HBS1L: variants seen among roughly 807,000 people sequenced by gnomAD.
HBS1L encodes the protein HBS1 like translational GTPase, also known as HBS1-like protein.
HBS1L carries 55 observed loss-of-function variants against 88.9 expected under a neutral mutation model. The observed-to-expected ratio is 0.62, with a 90% CI of 0.50 to 0.77. HBS1L has a LOEUF of 0.77. HBS1L is among the 30% of genes least tolerant of loss of function. HBS1L has a pLI of 0.00. For missense variants in HBS1L, 741 were observed against 829.3 expected (o/e 0.89, Z 1.31); for synonymous variants, 267 against 288.5 (o/e 0.93, Z 0.76).
intron 15 of HBS1L, among the ~76,000 whole-genome samples, chr6:134,975,706 A>C (rs1774623291): frequency 6.6e-6 from 1 of 152,026 alleles, no homozygotes; most frequent in South Asian, 2.1e-4. Context: ...ATGGTGCTGG[A>C]TAGCTACATA....
intron 16 of HBS1L, among the ~76,000 whole-genome samples, chr6:134,968,912 T>G (rs898802804): frequency 3.3e-5 from 5 of 152,174 alleles, no homozygotes; most frequent in Non-Finnish European, 5.9e-5. Flanking sequence ...TCTAGACATA[T>G]TTTTTTAAAT....
chr6:134,981,757 A>G (rs1435974886), intron 13 of HBS1L, among the ~76,000 whole-genome samples: 1 of 151,902 alleles, frequency 6.6e-6, no homozygotes, highest in Non-Finnish European at 1.5e-5. Flanking sequence ...AGAATTAGAA[A>G]GTTTTAGTCA....
At position 134,997,567 on chromosome 6, in the gene HBS1L, T is replaced by C. The variant is rs550463958; in HGVS notation, c.629A>G (p.Glu210Gly). Residue 210 changes from glutamate to glycine, a missense_variant, in exon 6 of 18, where the codon GAG becomes GGG. Glu to Gly is a moderately conservative substitution (Grantham distance 98). Around this residue, in one of 3 missense-constraint regions of HBS1L, gnomAD observed 556 missense variants for 598.4 expected, o/e 0.93. Transcript: ENST00000367837. ...EDAIASSDVL[E>G]TASKSANPPH... is the part of the protein sequence containing the mutation. ...TGGATTAGCAGATTTAGAAGCAGTC[T>C]CAAGAACATCGGAAGAAGCAATGGC... is the stretch of plus-strand genomic sequence containing the variant. The C allele has an allele frequency of 3.7e-6, 6 of 1,614,100 alleles. No homozygotes were observed. In the East Asian group the frequency reaches 6.7e-5, roughly 18 times the overall value.
At chr6:135,018,509 T>C (rs1012931709) in intron 4 of HBS1L, among the ~76,000 whole-genome samples, 16 of 151,952 alleles carry the variant, frequency 1.1e-4, no homozygotes, top group African/African-American at 3.9e-4. Flanking sequence ...AATCTACATA[T>C]TACATTGGAT....
intron 4 of HBS1L, among the ~76,000 whole-genome samples, chr6:135,033,338 T>G (rs1051452368): frequency 1.3e-5 from 2 of 152,188 alleles, no homozygotes; most frequent in African/African-American, 4.8e-5. Context: ...ATACACTTAG[T>G]GCCAACAATC....
intron 5 of HBS1L, among the ~76,000 whole-genome samples, chr6:135,001,393 C>A (rs1008574719): frequency 1.3e-5 from 2 of 152,054 alleles, no homozygotes; most frequent in Non-Finnish European, 2.9e-5. Context: ...AATTTGGGTT[C>A]ATTTGCATGT....
Position 134,960,564 on chromosome 6 carries a change from T to A in HBS1L, c.*4715A>T, listed in dbSNP as rs1774163629. 1 of 152,194 alleles carries A rather than the reference T, an allele frequency of 6.6e-6. No individual in the cohort carries two copies. The highest frequency in any genetic ancestry group is 2.4e-5 in the African/African-American group (1 of 41,458). The allele number at this position is 152,194 out of a possible 1,614,324, so 9.4% of individuals were successfully genotyped here. A position where few individuals can be genotyped will look rare whatever the true frequency, so the allele number is the denominator to read the frequency against. ...TTGTGCATTATACTTGTTATTAATATGAAATTCTCTTAATTTTTTTTTACT... is the reference window on the plus strand; with the variant it reads ...TTGTGCATTATACTTGTTATTAATAAGAAATTCTCTTAATTTTTTTTTACT... On this transcript the variant is annotated 3_prime_UTR_variant, in exon 18 of 18. Transcript: ENST00000367837.
At chr6:135,037,589 T>C in intron 4 of HBS1L, 1 of 1,548,498 alleles carries the variant, frequency 6.5e-7, no homozygotes, top group Non-Finnish European at 8.7e-7. Flanking sequence ...GTTGTGCCCT[T>C]TATGATTATG....
chr6:134,988,244 T>C (rs957825229), intron 8 of HBS1L, among the ~76,000 whole-genome samples: 2 of 151,938 alleles, frequency 1.3e-5, no homozygotes, highest in African/African-American at 2.4e-5. Context: ...CACACCTGTA[T>C]CCCAGCTACT....
In HBS1L at chr6:134,961,159, T is replaced by A. The variant is rs1774181028; in HGVS notation, c.*4120A>T. 1 of 142,572 alleles carries A rather than the reference T, an allele frequency of 7.0e-6. No homozygotes were observed. The highest frequency in any genetic ancestry group is 1.5e-5 in the Non-Finnish European group (1 of 65,630). The allele number at this position is 142,572 out of a possible 1,614,324, so 8.8% of individuals were successfully genotyped here. A position where few individuals can be genotyped will look rare whatever the true frequency, so the allele number is the denominator to read the frequency against. On this transcript the variant is annotated 3_prime_UTR_variant, in exon 18 of 18. Transcript: ENST00000367837. ...ATTCCATTCATGGTTACTGTAAACATTCTTAAAACTTTGTTTTATGGGATT... is the reference window on the plus strand; with the variant it reads ...ATTCCATTCATGGTTACTGTAAACAATCTTAAAACTTTGTTTTATGGGATT...
At chr6:134,969,773 C>T in intron 15 of HBS1L, among the ~76,000 whole-genome samples, 1 of 152,008 alleles carries the variant, frequency 6.6e-6, no homozygotes. Flanking sequence ...CCTCAGTTTC[C>T]TCAAGTGTAA....
chr6:135,023,687 T>C (rs1048146276), intron 4 of HBS1L, among the ~76,000 whole-genome samples: 7 of 152,200 alleles, frequency 4.6e-5, no homozygotes, highest in African/African-American at 1.7e-4. Flanking sequence ...GAAAATGATA[T>C]ATAACAGGTT....
At position 134,962,407 on chromosome 6, in the gene HBS1L, T is replaced by TA. The variant is rs1403869571; in HGVS notation, c.*2871dup. 15 of 152,192 alleles carry TA rather than the reference T, an allele frequency of 9.9e-5. No homozygotes were observed. Among genetic ancestry groups the TA allele is most frequent in the Non-Finnish European group, 1.5e-5 (1 of 68,032 alleles). The allele number at this position is 152,192 out of a possible 1,614,324, so 9.4% of individuals were successfully genotyped here. The stretch of plus-strand genomic sequence containing the variant: ...ACCTTTAGGTGACAGAACTGTGGGT[T>TA]AATTTTATTCTTCCCTATATTTTCT... On this transcript the variant is annotated 3_prime_UTR_variant, in exon 18 of 18. Coordinates refer to ENST00000367837, the MANE Select transcript of HBS1L (RefSeq NM_006620.4).
intron 2 of HBS1L, among the ~76,000 whole-genome samples, chr6:135,042,749 G>A (rs1201551610): frequency 6.6e-6 from 1 of 150,686 alleles, no homozygotes; most frequent in Non-Finnish European, 1.5e-5. Flanking sequence ...GGAGGCGGAG[G>A]TTGCAGTGAG....
At chr6:134,999,861 A>G (rs1775400014) in intron 5 of HBS1L, among the ~76,000 whole-genome samples, 1 of 152,166 alleles carries the variant, frequency 6.6e-6, no homozygotes. Flanking sequence ...GCCCTTAGTA[A>G]AAAAAACTTC....
rs1775507142 is a variant in HBS1L at position 135,002,953 on chromosome 6, T to C, written c.431-111A>G. On this transcript the variant is annotated intron_variant, in intron 4 of 17. Transcript: ENST00000367837. ...TATGATAACTTTCACAGAATTAATG[T>C]CTTTATAAACACATTATCTCTAAAA... 7 of 622,856 alleles carry C rather than the reference T, an allele frequency of 1.1e-5. No homozygotes were observed. The South Asian group carries it at 1.5e-4, about 13-fold the overall frequency. 38.6% of individuals were successfully genotyped at this position (622,856 alleles called of 1,614,324 possible).
Position 135,018,527 on chromosome 6 carries a change from G to A in HBS1L, c.431-15685C>T, listed in dbSNP as rs969574302. 6.6e-5 allele frequency among the ~76,000 whole-genome samples: 10 copies of A among 151,954 alleles called. No individual in the cohort carries two copies. In the South Asian group the frequency reaches 8.3e-4, roughly 13 times the overall value. On this transcript the variant is annotated intron_variant, in intron 4 of 17. Transcript: ENST00000367837. ...CTACATATTACATTGGATTATATAC[G>A]TTGAGGTAGTATATGCAAAATTTAT...
At chr6:134,970,122 T>C (rs973869363) in intron 15 of HBS1L, among the ~76,000 whole-genome samples, 1 of 152,138 alleles carries the variant, frequency 6.6e-6, no homozygotes, top group Non-Finnish European at 1.5e-5. Flanking sequence ...TTGTGTGAAC[T>C]TTGGGGCAAG....
At chr6:134,985,066 GA>G (rs966110008) in intron 12 of HBS1L, among the ~76,000 whole-genome samples, 64 of 150,668 alleles carry the variant, frequency 4.2e-4, no homozygotes, top group Non-Finnish European at 5.9e-5. Context: ...TCTAATGGGA[GA>G]AAAAAAAACT....
Sources: allele counts gnomAD v4.1 joint callset (sites outside exome capture counted in the v4.1 genomes callset), GRCh38; gene constraint gnomAD v4.1.1; regional missense constraint gnomAD v4.1.1; transcripts MANE v1.5; gene names NCBI Gene and HGNC (gene_info 2026-07-23, HGNC 2026-07-21).